The following PTK2 variants were observed in gnomAD, a reference collection of about 807,000 sequenced individuals.
PTK2 encodes focal adhesion kinase 1.
A neutral mutation model predicts 150.1 loss-of-function variants in PTK2; 45 were observed. That is an observed-to-expected ratio of 0.30 (90% CI 0.24 to 0.38). PTK2 has a LOEUF of 0.38. Among genes scored for constraint, PTK2 ranks in the 10% least tolerant of loss-of-function variants. The pLI, the probability that PTK2 is intolerant of heterozygous loss-of-function variation, is 1.00. For missense variants in PTK2, 919 were observed against 1,307.3 expected (o/e 0.70, Z 4.58); for synonymous variants, 432 against 449.2 (o/e 0.96, Z 0.48).
intron 4 of PTK2, chr8:140,879,264 C>T: frequency 2.2e-6 from 1 of 463,004 alleles, no homozygotes; most frequent in East Asian, 3.8e-5. Flanking sequence ...AATCAGATGG[C>T]TCAAAGTATA....
chr8:140,944,467 C>T lies in PTK2; in HGVS notation c.-121-18718G>A, dbSNP rs556931569. 2.6e-5 allele frequency among the ~76,000 whole-genome samples: 4 copies of T among 152,266 alleles called. No individual in the cohort carries two copies. The South Asian group carries it at 6.2e-4, about 24-fold the overall frequency. The stretch of plus-strand genomic sequence containing the variant: ...GGAAATGGAGAACTTGATACTGCCA[C>T]GAGGAATCTTGGACTGTCTTCTTAA... On this transcript the variant is annotated intron_variant, in intron 1 of 31. Coordinates refer to ENST00000522684, the Ensembl canonical transcript of PTK2.
At chr8:140,695,852 G>A (rs951211313) in intron 26 of PTK2, among the ~76,000 whole-genome samples, 2 of 152,190 alleles carry the variant, frequency 1.3e-5, no homozygotes, top group Non-Finnish European at 2.9e-5. Context: ...CAGATCCACT[G>A]CAGTTCTCTA....
chr8:140,663,582 A>C (rs1300845521), intron 31 of PTK2, among the ~76,000 whole-genome samples: 1 of 152,208 alleles, frequency 6.6e-6, no homozygotes, highest in African/African-American at 2.4e-5. Flanking sequence ...GCTTCCTTTC[A>C]TTTGTTAGTC....
At chr8:140,950,207 A>T (rs952519169) in intron 1 of PTK2, among the ~76,000 whole-genome samples, 1 of 152,194 alleles carries the variant, frequency 6.6e-6, no homozygotes, top group Non-Finnish European at 1.5e-5. Context: ...GGACTGAAAG[A>T]GCTATAACAC....
intron 26 of PTK2, among the ~76,000 whole-genome samples, chr8:140,699,080 A>G (rs1225404114): frequency 6.6e-5 from 10 of 152,010 alleles, no homozygotes; most frequent in African/African-American, 2.4e-4. Flanking sequence ...GCCAAAAATA[A>G]CAATTTTTTT....
chr8:140,708,394 C>G (rs886747976), intron 23 of PTK2, among the ~76,000 whole-genome samples: 1 of 152,158 alleles, frequency 6.6e-6, no homozygotes, highest in Non-Finnish European at 1.5e-5. Context: ...TTAGATGTTA[C>G]TTCTTTCACG....
intron 1 of PTK2, among the ~76,000 whole-genome samples, chr8:140,962,383 T>C (rs1402018002): frequency 6.6e-6 from 1 of 152,132 alleles, no homozygotes; most frequent in African/African-American, 2.4e-5. Context: ...AGCAGTCCCA[T>C]AGTAAAGAGC....
chr8:140,919,291 T>A (rs2100166494), intron 2 of PTK2, among the ~76,000 whole-genome samples: 2 of 152,252 alleles, frequency 1.3e-5, no homozygotes, highest in Non-Finnish European at 2.9e-5. Context: ...CATATTTCAG[T>A]TAAAAATAGT....
At chr8:140,742,374 G>A (rs1224538352) in intron 20 of PTK2, among the ~76,000 whole-genome samples, 2 of 152,124 alleles carry the variant, frequency 1.3e-5, no homozygotes, top group African/African-American at 4.8e-5. Context: ...ACAAGTTTTC[G>A]TTTCTTCAGA....
intron 1 of PTK2, among the ~76,000 whole-genome samples, chr8:140,985,747 T>C (rs992350745): frequency 6.6e-6 from 1 of 152,230 alleles, no homozygotes; most frequent in Admixed American, 6.5e-5. Context: ...TGGGAGACAC[T>C]GGGTCTAAGA....
At chr8:140,881,115 G>A (rs1350807943) in intron 3 of PTK2, among the ~76,000 whole-genome samples, 1 of 152,176 alleles carries the variant, frequency 6.6e-6, no homozygotes, top group Non-Finnish European at 1.5e-5. Flanking sequence ...GCAGCCTACA[G>A]ACTCCTATGT....
chr8:140,671,042 C>A (rs2095296791), intron 29 of PTK2, among the ~76,000 whole-genome samples: 1 of 152,144 alleles, frequency 6.6e-6, no homozygotes. Flanking sequence ...AGCTTGACAA[C>A]TTGGAAGCTC....
At chr8:140,812,484 G>A (rs1302755804) in intron 10 of PTK2, among the ~76,000 whole-genome samples, 2 of 152,094 alleles carry the variant, frequency 1.3e-5, no homozygotes, top group Non-Finnish European at 2.9e-5. Context: ...ACACAAACAA[G>A]TTTGCCTAAT....
intron 1 of PTK2, among the ~76,000 whole-genome samples, chr8:140,954,052 C>T (rs1314835032): frequency 5.3e-5 from 8 of 151,968 alleles, no homozygotes; most frequent in Admixed American, 5.2e-4. Context: ...ACTGTAACCT[C>T]CACCTCCTCC....
intron 1 of PTK2, among the ~76,000 whole-genome samples, chr8:140,973,011 C>G (rs1285300838): frequency 6.6e-6 from 1 of 152,218 alleles, no homozygotes; most frequent in Non-Finnish European, 1.5e-5. Context: ...TGACACACTT[C>G]TGGAGACATC....
At chr8:140,784,157 G>GA (rs1179920771) in intron 14 of PTK2, among the ~76,000 whole-genome samples, 1 of 152,000 alleles carries the variant, frequency 6.6e-6, no homozygotes, top group African/African-American at 2.4e-5. Context: ...AAAGTGGGGG[G>GA]AAAAAAACTA....
At chr8:140,715,471 C>T (rs1245314372) in intron 23 of PTK2, among the ~76,000 whole-genome samples, 2 of 151,810 alleles carry the variant, frequency 1.3e-5, no homozygotes, top group Admixed American at 6.6e-5. Flanking sequence ...CATGCCCGGC[C>T]GCCATTAAAA....
At chr8:140,939,250 A>G (rs1049744064) in intron 1 of PTK2, among the ~76,000 whole-genome samples, 2 of 152,218 alleles carry the variant, frequency 1.3e-5, no homozygotes, top group Middle Eastern at 3.2e-3. Context: ...AAAAAACTAT[A>G]CATTTTATTT....
In PTK2 at chr8:140,736,679, G is replaced by A. The variant is rs184574686; in HGVS notation, c.1826-1224C>T. Among the ~76,000 whole-genome samples, 106 of 152,258 alleles carry A rather than the reference G, an allele frequency of 7.0e-4. 1 individual carries two copies. Among genetic ancestry groups the A allele is most frequent in the Middle Eastern group, 3.4e-3 (1 of 294 alleles). ...TAGTGCCTTATCATCACTGCTCTGC[G>A]CCTGGCTATTCTGGGCTTCTTGCTA... On this transcript the variant is annotated intron_variant, in intron 21 of 31. Transcript: ENST00000522684.
Sources: gnomAD v4.1 joint callset for allele counts (sites outside exome capture counted in the v4.1 genomes callset) on GRCh38, gnomAD v4.1.1 for gene constraint, MANE v1.5 for transcripts, NCBI Gene and HGNC (gene_info 2026-07-23, HGNC 2026-07-21) for gene names.